The following FAM149A variants were observed in gnomAD, a reference collection of about 807,000 sequenced individuals.
The protein encoded by FAM149A is protein FAM149A.
In FAM149A, 71 loss-of-function variants were observed where a neutral mutation model predicts 78.2. That is an observed-to-expected ratio of 0.91 (90% CI 0.75 to 1.11). The LOEUF is 1.11. FAM149A is among the 50% of genes least tolerant of loss of function. The pLI, the probability that FAM149A is intolerant of heterozygous loss-of-function variation, is 0.00. For synonymous variants in FAM149A, 446 were observed against 410.5 expected, an observed-to-expected ratio of 1.09 and a Z score of -1.04; for missense variants, 1,036 against 971.0, an observed-to-expected ratio of 1.07 and a Z score of -0.89.
At chr4:186,109,241 G>C (rs751656350) in intron 1 of FAM149A, 30 of 965,290 alleles carry the variant, frequency 3.1e-5, no homozygotes, top group Non-Finnish European at 3.6e-5. Context: ...TGTTGGTAGA[G>C]TGTAAACTTC....
At chr4:186,137,718 C>T (rs1003335483) in intron 1 of FAM149A, among the ~76,000 whole-genome samples, 1 of 151,960 alleles carries the variant, frequency 6.6e-6, no homozygotes, top group African/African-American at 2.4e-5. Context: ...TCTTGGTTTA[C>T]ACAGGCTATT....
intron 1 of FAM149A, among the ~76,000 whole-genome samples, chr4:186,106,208 A>G (rs772412888): frequency 6.6e-6 from 1 of 152,152 alleles, no homozygotes; most frequent in Non-Finnish European, 1.5e-5. Flanking sequence ...TTATTACCCT[A>G]GAGCTCCTGA....
Position 186,144,762 on chromosome 4 carries a change from GC to G in FAM149A, c.567-4410del. On this transcript the variant is annotated intron_variant, in intron 1 of 13. Coordinates refer to ENST00000389354, the MANE Select transcript of FAM149A (RefSeq NM_001367768.3). The surrounding 1 kb of genome is among the most constrained non-coding windows in gnomAD (Gnocchi z 4.2). The stretch of plus-strand genomic sequence containing the variant: ...GGGCCGGGGCCCGGAGCGGGGATGG[GC>G]GGGCGCAGCCGGGATTAGCTGGCGG... 1.1e-6 allele frequency: 1 copy of G among 947,518 alleles called. No homozygotes were observed. Among genetic ancestry groups the G allele is most frequent in the Non-Finnish European group, 1.3e-6 (1 of 794,998 alleles). 58.7% of individuals were successfully genotyped at this position (947,518 alleles called of 1,614,324 possible).
chr4:186,149,712 T>G lies in FAM149A; in HGVS notation c.789+8T>G. On this transcript the variant is annotated splice_region_variant and intron_variant, in intron 3 of 13. Transcript: ENST00000389354. ...TATTCCTGGAGAGATGACGTATGTCTCAGAATATTTTGGATAATCTTGTAA... is the reference window on the plus strand; with the variant it reads ...TATTCCTGGAGAGATGACGTATGTCGCAGAATATTTTGGATAATCTTGTAA... 1 of 1,264,852 alleles carries G rather than the reference T, an allele frequency of 7.9e-7. No individual in the cohort carries two copies. The highest frequency in any genetic ancestry group is 1.5e-5 in the African/African-American group (1 of 64,582). The allele number at this position is 1,264,852 out of a possible 1,614,324, so 78.4% of individuals were successfully genotyped here. A position where few individuals can be genotyped will look rare whatever the true frequency, so the allele number is the denominator to read the frequency against.
At chr4:186,136,644 A>G (rs1194518432) in intron 1 of FAM149A, among the ~76,000 whole-genome samples, 1 of 152,200 alleles carries the variant, frequency 6.6e-6, no homozygotes, top group Non-Finnish European at 1.5e-5. Flanking sequence ...TTAAAAGTCT[A>G]AGTATTTTTC....
chr4:186,112,174 C>T (rs1579765498), intron 1 of FAM149A, among the ~76,000 whole-genome samples: 5 of 148,138 alleles, frequency 3.4e-5, no homozygotes, highest in Non-Finnish European at 7.5e-5. Flanking sequence ...AATGGGAGTT[C>T]ACTCATGATT....
chr4:186,145,305 C>A (rs1004076422), intron 1 of FAM149A, among the ~76,000 whole-genome samples: 6 of 152,102 alleles, frequency 3.9e-5, no homozygotes, highest in African/African-American at 1.4e-4. Context: ...TCACTGCGGT[C>A]GCTCCTGGGA....
At chr4:186,170,205 G>A (rs902156364) in intron 13 of FAM149A, among the ~76,000 whole-genome samples, 7 of 152,352 alleles carry the variant, frequency 4.6e-5, no homozygotes, top group South Asian at 2.1e-4. Context: ...TGTGCAATCC[G>A]GAGGAGGCCA....
chr4:186,152,539 CTTTTTTTTTTTTT>C (rs10718602), intron 4 of FAM149A, among the ~76,000 whole-genome samples: 2 of 88,270 alleles, frequency 2.3e-5, no homozygotes, highest in African/African-American at 4.8e-5. Context: ...TTTCTTTTTG[CTTTTTTTTTTTTT>C]TTTTTTTTTT....
chr4:186,118,281 T>G, intron 1 of FAM149A: 1 of 969,542 alleles, frequency 1.0e-6, no homozygotes, highest in Non-Finnish European at 1.2e-6. Flanking sequence ...CTTTCTCTGC[T>G]GGAACAGTGC....
chr4:186,150,526 T>G lies in FAM149A; in HGVS notation c.789+822T>G, dbSNP rs576077110. ...GCTCCGCCTCCCGGGTTCACGCCAT[T>G]CTCCTGCCTCAGCCTCCCGAGTAGC... On this transcript the variant is annotated intron_variant, in intron 3 of 13. Coordinates refer to ENST00000389354, the MANE Select transcript of FAM149A (RefSeq NM_001367768.3). Among the ~76,000 whole-genome samples the G allele has an allele frequency of 3.3e-3, 424 of 129,684 alleles. 7 individuals carry two copies. Among genetic ancestry groups the G allele is most frequent in the Middle Eastern group, 0.012 (3 of 256 alleles). 85.1% of individuals were successfully genotyped at this position (129,684 alleles called of 152,430 possible).
intron 8 of FAM149A, chr4:186,160,728 CCACACCCCACA>C (rs1221157875): frequency 5.4e-6 from 5 of 926,816 alleles, no homozygotes; most frequent in Non-Finnish European, 6.4e-6. Flanking sequence ...ACACACCTCA[CCACACCCCACA>C]CACACCACAC....
At chr4:186,150,483 G>A (rs1476057684) in intron 3 of FAM149A, among the ~76,000 whole-genome samples, 5 of 127,922 alleles carry the variant, frequency 3.9e-5, no homozygotes, top group South Asian at 3.0e-4. Context: ...GCAGGGGCGC[G>A]ATCTCGGCTC....
intron 1 of FAM149A, chr4:186,123,468 C>G: frequency 1.4e-6 from 1 of 724,348 alleles, no homozygotes; most frequent in Non-Finnish European, 1.7e-6. Context: ...CTTCATGGCT[C>G]TTTATTAATA....
rs1387927354 is a variant in FAM149A at position 186,163,507 on chromosome 4, C to T, written c.1763C>T (p.Thr588Ile). The stretch of plus-strand genomic sequence containing the variant: ...CACAGACTGGGACGGGCCTCAGACA[C>T]TCATGGATTATCACCTTCTGCAAAG... Residue 588 changes from threonine to isoleucine, a missense_variant, in exon 10 of 14, where the codon ACT becomes ATT. By Grantham distance (89) the Thr-to-Ile change is moderately conservative (BLOSUM62 -1). Around this residue, in one of 3 missense-constraint regions of FAM149A, gnomAD observed 716 missense variants for 711.8 expected, o/e 1.01. Transcript: ENST00000389354. The T allele has an allele frequency of 1.9e-6, 3 of 1,614,146 alleles. No individual in the cohort carries two copies. Among genetic ancestry groups the T allele is most frequent in the East Asian group, 2.2e-5 (1 of 44,882 alleles).
At chr4:186,154,909 G>A (rs1260906401) in intron 6 of FAM149A, 1 of 985,340 alleles carries the variant, frequency 1.0e-6, no homozygotes, top group South Asian at 4.7e-5. Flanking sequence ...CCCCAGCCCT[G>A]GCTGCCCAAA....
At chr4:186,109,195 C>G (rs371834110) in intron 1 of FAM149A, 22 of 984,916 alleles carry the variant, frequency 2.2e-5, no homozygotes, top group Non-Finnish European at 2.4e-5. Flanking sequence ...CCTAGCAATA[C>G]GTAAGGTGGA....
In FAM149A at chr4:186,144,867, G is replaced by T. The variant is rs571049408; in HGVS notation, c.567-4306G>T. On this transcript the variant is annotated intron_variant, in intron 1 of 13. Transcript: ENST00000389354. This position sits in a 1 kb window ranked among gnomAD's most constrained non-coding sequence, Gnocchi z 4.2. ...CGGAGGATCTGGAGAGGGAAGGGGC[G>T]TGCGAGCCCCGCGGACCCCGGGCGC... is the stretch of plus-strand genomic sequence containing the variant. The T allele has an allele frequency of 1.1e-4, 109 of 980,138 alleles. No individual in the cohort carries two copies. The East Asian group carries it at 0.011, about 95-fold the overall frequency. 60.7% of individuals were successfully genotyped at this position (980,138 alleles called of 1,614,324 possible).
chr4:186,151,267 C>T (rs940394247), intron 3 of FAM149A, among the ~76,000 whole-genome samples: 1 of 152,166 alleles, frequency 6.6e-6, no homozygotes, highest in Non-Finnish European at 1.5e-5. Context: ...GGCTGAGCAC[C>T]ACTGCTTTAC....
Sources: allele counts gnomAD v4.1 joint callset (sites outside exome capture counted in the v4.1 genomes callset), GRCh38; gene constraint gnomAD v4.1.1; regional missense constraint gnomAD v4.1.1; non-coding constraint Gnocchi (gnomAD v3.1); transcripts MANE v1.5; gene names NCBI Gene and HGNC (gene_info 2026-07-23, HGNC 2026-07-21).